The following MAGI2 variants were observed in gnomAD, a reference collection of about 807,000 sequenced individuals.
MAGI2 encodes the protein membrane associated guanylate kinase, WW and PDZ domain containing 2.
A neutral mutation model predicts 133.3 loss-of-function variants in MAGI2; 35 were observed. The observed-to-expected ratio is 0.26, with a 90% CI of 0.20 to 0.35. The LOEUF (loss-of-function observed/expected upper bound fraction) is 0.35. Among genes scored for constraint, MAGI2 ranks in the 10% least tolerant of loss-of-function variants. The pLI, the probability that MAGI2 is intolerant of heterozygous loss-of-function variation, is 1.00. For synonymous variants in MAGI2, 729 were observed against 710.6 expected (o/e 1.03, Z -0.41); for missense variants, 1,636 against 1,863.4 (o/e 0.88, Z 2.25).
At chr7:79,096,449 T>C (rs1049072650) in intron 1 of MAGI2, among the ~76,000 whole-genome samples, 4 of 152,118 alleles carry the variant, frequency 2.6e-5, no homozygotes, top group African/African-American at 9.7e-5. Context: ...CTGAGTTCAT[T>C]GTCATATGCA....
intron 2 of MAGI2, among the ~76,000 whole-genome samples, chr7:78,703,599 C>T (rs905148552): frequency 6.6e-6 from 1 of 152,008 alleles, no homozygotes; most frequent in African/African-American, 2.4e-5. Context: ...CTCCAAAAAG[C>T]ACTTCCCTAT....
intron 3 of MAGI2, among the ~76,000 whole-genome samples, chr7:78,547,076 C>T (rs372558489): frequency 1.5e-4 from 23 of 152,236 alleles, no homozygotes; most frequent in South Asian, 1.5e-3. Flanking sequence ...AGCAAAATGA[C>T]ATTTAATGAA....
At chr7:79,129,281 T>C (rs974857394) in intron 1 of MAGI2, among the ~76,000 whole-genome samples, 1 of 152,220 alleles carries the variant, frequency 6.6e-6, no homozygotes, top group Non-Finnish European at 1.5e-5. Context: ...TATTGACTAA[T>C]GTACTGAAAG....
intron 14 of MAGI2, among the ~76,000 whole-genome samples, chr7:78,169,076 G>A (rs1187471276): frequency 2.0e-5 from 3 of 152,122 alleles, no homozygotes; most frequent in African/African-American, 7.2e-5. Flanking sequence ...TAGGAAATGT[G>A]GTTATTTTTA....
chr7:78,907,755 CA>C (rs1276480653), intron 2 of MAGI2, among the ~76,000 whole-genome samples: 1 of 152,014 alleles, frequency 6.6e-6, no homozygotes, highest in African/African-American at 2.4e-5. Flanking sequence ...TATTTTTCCC[CA>C]AATTCATTTT....
intron 2 of MAGI2, among the ~76,000 whole-genome samples, chr7:78,735,269 T>A (rs1016727348): frequency 2.6e-5 from 4 of 152,144 alleles, no homozygotes; most frequent in Non-Finnish European, 5.9e-5. Flanking sequence ...GAAAGACAAG[T>A]CACTGCATTA....
At chr7:79,045,454 A>G (rs559185943) in intron 1 of MAGI2, among the ~76,000 whole-genome samples, 6 of 152,216 alleles carry the variant, frequency 3.9e-5, no homozygotes, top group Non-Finnish European at 5.9e-5. Context: ...ATGGTATATA[A>G]TCTTTGAGAT....
chr7:78,880,084 A>G (rs1795730993), intron 2 of MAGI2, among the ~76,000 whole-genome samples: 1 of 152,164 alleles, frequency 6.6e-6, no homozygotes, highest in South Asian at 2.1e-4. Flanking sequence ...TAAAGCAACC[A>G]AACCTATAAA....
At chr7:79,353,667 G>T in intron 1 of MAGI2, 1 of 354,252 alleles carries the variant, frequency 2.8e-6, no homozygotes, top group South Asian at 2.1e-5. Flanking sequence ...GCATCACACT[G>T]GGCATTGGAC....
rs1554473313 is a variant in MAGI2, at chr7:78,557,097, A to AAAGAAAG, written c.539-35453_539-35452insCTTTCTT. Among the ~76,000 whole-genome samples the AAAGAAAG allele has an allele frequency of 1.7e-3, 238 of 138,990 alleles. 6 individuals carry two copies. Among genetic ancestry groups the AAAGAAAG allele is most frequent in the African/African-American group, 6.5e-3 (217 of 33,600 alleles). 91.2% of individuals were successfully genotyped at this position (138,990 alleles called of 152,430 possible). On this transcript the variant is annotated intron_variant, in intron 3 of 21. Coordinates refer to ENST00000354212, the MANE Select transcript of MAGI2 (RefSeq NM_012301.4). ...CAGAGTCTCAAAAAAAAAAAAAAAA[A>AAAGAAAG]AAAGAAAAAGAAAAAAAAAGAATTT...
At chr7:78,139,088 A>G (rs949342375) in intron 16 of MAGI2, among the ~76,000 whole-genome samples, 3 of 152,220 alleles carry the variant, frequency 2.0e-5, no homozygotes, top group African/African-American at 7.2e-5. Flanking sequence ...AAGATAAAAG[A>G]CTAGAAATCA....
intron 1 of MAGI2, among the ~76,000 whole-genome samples, chr7:79,084,261 A>C (rs1167454406): frequency 2.0e-5 from 3 of 151,550 alleles, no homozygotes. Flanking sequence ...TTTGAGTTCT[A>C]TTTTATTTTC....
intron 1 of MAGI2, among the ~76,000 whole-genome samples, chr7:79,446,468 A>T (rs372739613): frequency 6.6e-6 from 1 of 151,916 alleles, no homozygotes; most frequent in African/African-American, 2.4e-5. Flanking sequence ...TGGTTTTGAC[A>T]GTGATTTTTT....
intron 1 of MAGI2, among the ~76,000 whole-genome samples, chr7:79,021,690 G>T (rs1005633171): frequency 6.6e-6 from 1 of 152,144 alleles, no homozygotes; most frequent in South Asian, 2.1e-4. Context: ...GAAGGGACTT[G>T]TCTTGCTTCA....
chr7:78,049,943 C>T (rs1811843848), intron 21 of MAGI2, among the ~76,000 whole-genome samples: 1 of 152,186 alleles, frequency 6.6e-6, no homozygotes, highest in South Asian at 2.1e-4. Flanking sequence ...CATTTGTACT[C>T]GTGGCAATGA....
intron 3 of MAGI2, among the ~76,000 whole-genome samples, chr7:78,560,639 G>A (rs145051968): frequency 0.013 from 1,931 of 152,194 alleles, 43 homozygotes; most frequent in African/African-American, 0.044. Context: ...TTTTATGAGA[G>A]CATCAACAAT....
intron 10 of MAGI2, among the ~76,000 whole-genome samples, chr7:78,237,071 C>T (rs955926354): frequency 6.6e-6 from 1 of 152,152 alleles, no homozygotes; most frequent in East Asian, 1.9e-4. Context: ...ATGGGAGCTA[C>T]AATTCAAGAT....
At chr7:79,190,234 T>C (rs573466398) in intron 1 of MAGI2, among the ~76,000 whole-genome samples, 2 of 152,022 alleles carry the variant, frequency 1.3e-5, no homozygotes, top group Admixed American at 6.6e-5. Flanking sequence ...TACCATTTTT[T>C]ATTCCCACCA....
At chr7:78,505,342 T>G (rs1794990012) in intron 4 of MAGI2, among the ~76,000 whole-genome samples, 1 of 152,128 alleles carries the variant, frequency 6.6e-6, no homozygotes. Flanking sequence ...GTATTGCCCT[T>G]AAGAGGGAAA....
Sources: gnomAD v4.1 joint callset for allele counts (sites outside exome capture counted in the v4.1 genomes callset) on GRCh38, gnomAD v4.1.1 for gene constraint, MANE v1.5 for transcripts, NCBI Gene and HGNC (gene_info 2026-07-23, HGNC 2026-07-21) for gene names.